KHDRBS2: variants seen among roughly 807,000 people sequenced by gnomAD.
KHDRBS2 encodes KH RNA binding domain containing, signal transduction associated 2, also known as KH domain-containing, RNA-binding, signal transduction-associated protein 2.
In KHDRBS2, 26 loss-of-function variants were observed where a neutral mutation model predicts 44.3. The observed-to-expected ratio is 0.59, with a 90% CI of 0.43 to 0.81. The LOEUF is 0.81. KHDRBS2 is among the 40% of genes least tolerant of loss of function. The pLI is 0.00. For missense variants in KHDRBS2, 476 were observed against 433.1 expected (o/e 1.10, Z -0.88); for synonymous variants, 194 against 151.1 (o/e 1.28, Z -2.08).
chr6:62,162,242 C>G (rs1817803319), intron 2 of KHDRBS2, among the ~76,000 whole-genome samples: 1 of 152,010 alleles, frequency 6.6e-6, no homozygotes, highest in African/African-American at 2.4e-5. Flanking sequence ...GAAGGACCCC[C>G]TGAAGCATTT....
intron 6 of KHDRBS2, among the ~76,000 whole-genome samples, chr6:61,733,934 C>A (rs1270868152): frequency 6.6e-6 from 1 of 152,242 alleles, no homozygotes; most frequent in South Asian, 2.1e-4. Context: ...TACCCTAGCA[C>A]TTCATAAATT....
chr6:62,139,410 G>A (rs1475081597), intron 2 of KHDRBS2, among the ~76,000 whole-genome samples: 6 of 151,836 alleles, frequency 4.0e-5, no homozygotes, highest in African/African-American at 9.7e-5. Flanking sequence ...AAAATTAGCC[G>A]GGCGTGGTGG....
chr6:62,087,222 G>A (rs1798562468), intron 2 of KHDRBS2, among the ~76,000 whole-genome samples: 3 of 151,990 alleles, frequency 2.0e-5, no homozygotes, highest in Admixed American at 2.0e-4. Flanking sequence ...AACAATGAAA[G>A]CATACCAGAA....
intron 6 of KHDRBS2, among the ~76,000 whole-genome samples, chr6:61,833,515 A>G (rs1242598497): frequency 6.6e-6 from 1 of 152,182 alleles, no homozygotes; most frequent in African/African-American, 2.4e-5. Context: ...CTTCTGTCTT[A>G]TGATGTGTCA....
intron 2 of KHDRBS2, among the ~76,000 whole-genome samples, chr6:62,157,160 C>G (rs1360210551): frequency 6.6e-6 from 1 of 151,344 alleles, no homozygotes; most frequent in Non-Finnish European, 1.5e-5. Flanking sequence ...TCGAGACCAT[C>G]CTGGCCATCA....
intron 3 of KHDRBS2, among the ~76,000 whole-genome samples, chr6:62,002,548 A>C (rs1312175636): frequency 6.6e-6 from 1 of 151,306 alleles, no homozygotes; most frequent in Non-Finnish European, 1.5e-5. Context: ...ACAGCATTTA[A>C]CCTTTTAAAT....
At chr6:61,945,101 A>ATATATATATATATATGT (rs1206251740) in intron 4 of KHDRBS2, among the ~76,000 whole-genome samples, 7 of 56,254 alleles carry the variant, frequency 1.2e-4, no homozygotes, top group Admixed American at 2.5e-4. Flanking sequence ...AAAAAAAAAA[A>ATATATATATATATATGT]AAAAAAAAAA....
At chr6:62,277,629 A>G (rs1481563694) in intron 1 of KHDRBS2, among the ~76,000 whole-genome samples, 2 of 152,206 alleles carry the variant, frequency 1.3e-5, no homozygotes, top group African/African-American at 4.8e-5. Flanking sequence ...AGCGTGAGCC[A>G]CTGTGCCCGG....
chr6:62,136,149 G>T (rs1474977314), intron 2 of KHDRBS2, among the ~76,000 whole-genome samples: 2 of 151,858 alleles, frequency 1.3e-5, no homozygotes, highest in Non-Finnish European at 2.9e-5. Context: ...ACTTCATTGT[G>T]CATATGTATA....
chr6:62,238,733 A>C (rs1245085660), intron 1 of KHDRBS2, among the ~76,000 whole-genome samples: 2 of 151,298 alleles, frequency 1.3e-5, no homozygotes, highest in African/African-American at 4.9e-5. Flanking sequence ...CATATATTTG[A>C]GTACAGACTC....
the KHDRBS2 span, among the ~76,000 whole-genome samples, chr6:61,572,237 T>A: frequency 7.2e-5 from 11 of 152,142 alleles, no homozygotes; most frequent in Admixed American, 7.2e-4. Flanking sequence ...GATAAATTCC[T>A]GGAAATATCC....
intron 2 of KHDRBS2, among the ~76,000 whole-genome samples, chr6:62,106,540 C>CAGG (rs1803384130): frequency 6.6e-6 from 1 of 151,968 alleles, no homozygotes; most frequent in Admixed American, 6.6e-5. Context: ...CAAGGAGGAA[C>CAGG]TGGTACCTTT....
intron 8 of KHDRBS2, among the ~76,000 whole-genome samples, chr6:61,687,499 G>A (rs1004509062): frequency 6.6e-6 from 1 of 151,664 alleles, no homozygotes; most frequent in Non-Finnish European, 1.5e-5. Flanking sequence ...AGACCCATAG[G>A]CTTCCCTCAG....
the KHDRBS2 span, among the ~76,000 whole-genome samples, chr6:61,579,891 C>A: frequency 0.015 from 1,629 of 111,236 alleles, 13 homozygotes; most frequent in Non-Finnish European, 0.019. Context: ...AACCCCGTCT[C>A]TACTAAAATT....
rs115181096 is a variant in KHDRBS2, at chr6:62,286,113, C to T, written c.-165G>A. On this transcript the variant is annotated 5_prime_UTR_variant, in exon 1 of 9. Coordinates refer to ENST00000281156, the MANE Select transcript of KHDRBS2 (RefSeq NM_152688.4). ...ATGCACCCAGCACCTGCGACTCCCG[C>T]CGTCGGGCTGCGTGGCCCCGCGCCC... 2,429 of 581,168 alleles carry T rather than the reference C, an allele frequency of 4.2e-3. 44 individuals are homozygous for T. The African/African-American group carries it at 0.043, about 10-fold the overall frequency. The allele number at this position is 581,168 out of a possible 1,614,324, so 36.0% of individuals were successfully genotyped here.
intron 1 of KHDRBS2, among the ~76,000 whole-genome samples, chr6:62,269,105 A>G (rs1325270150): frequency 6.6e-6 from 1 of 152,074 alleles, no homozygotes; most frequent in Non-Finnish European, 1.5e-5. Context: ...TTATTTCTAG[A>G]TGGGACATAA....
intron 2 of KHDRBS2, among the ~76,000 whole-genome samples, chr6:62,091,957 A>G (rs1799569834): frequency 6.6e-6 from 1 of 152,212 alleles, no homozygotes; most frequent in South Asian, 2.1e-4. Context: ...AGACTTCAGT[A>G]AATCAAGGAG....
rs951205212 is a variant in KHDRBS2 at position 61,773,877 on chromosome 6, C to T, written c.811-41113G>A. On this transcript the variant is annotated intron_variant, in intron 6 of 8. Transcript: ENST00000281156. ...TTCTACATATGGCTAGCCAGTTTTC[C>T]CAGCACCATTTATTAAATAGGGAAT... Among the ~76,000 whole-genome samples, 117 of 150,548 alleles carry T rather than the reference C, an allele frequency of 7.8e-4. 1 individual carries two copies. In the East Asian group the frequency reaches 0.02, roughly 26 times the overall value.
chr6:61,984,743 A>G (rs1216393659), intron 3 of KHDRBS2, among the ~76,000 whole-genome samples: 2 of 152,200 alleles, frequency 1.3e-5, no homozygotes, highest in Admixed American at 6.5e-5. Flanking sequence ...GTGTAAGTAA[A>G]TTTTGTCTTT....
Sources: allele counts gnomAD v4.1 joint callset (sites outside exome capture counted in the v4.1 genomes callset), GRCh38; gene constraint gnomAD v4.1.1; transcripts MANE v1.5; gene names NCBI Gene and HGNC (gene_info 2026-07-23, HGNC 2026-07-21).